SYT14: variants seen among roughly 807,000 people sequenced by gnomAD.
SYT14 encodes the protein synaptotagmin 14.
A neutral mutation model predicts 74.2 loss-of-function variants in SYT14; 32 were observed. The ratio of observed to expected loss-of-function variants is 0.43; its 90% CI spans 0.33 to 0.58. The LOEUF is 0.58. Ranked by LOEUF, SYT14 falls within the 20% of genes least tolerant of loss-of-function variation. The probability of loss-of-function intolerance (pLI) is 0.05; values close to 1 mark genes in which losing one functional copy is unlikely to be tolerated. For missense variants in SYT14, 791 were observed against 981.8 expected (o/e 0.81, Z 2.60); for synonymous variants, 298 against 337.7 (o/e 0.88, Z 1.29).
At chr1:210,149,048 T>G (rs139046846) in intron 7 of SYT14, among the ~76,000 whole-genome samples, 2 of 152,068 alleles carry the variant, frequency 1.3e-5, no homozygotes, top group Non-Finnish European at 2.9e-5. Context: ...AAGAAACTTA[T>G]AAACTTTATA....
intron 2 of SYT14, among the ~76,000 whole-genome samples, chr1:209,965,520 A>T (rs1235891284): frequency 6.6e-6 from 1 of 152,204 alleles, no homozygotes; most frequent in Non-Finnish European, 1.5e-5. Context: ...GGATAAACAT[A>T]TAAGTGCGTG....
chr1:210,133,974 C>T (rs912775722), intron 7 of SYT14, among the ~76,000 whole-genome samples: 7 of 151,576 alleles, frequency 4.6e-5, no homozygotes, highest in Non-Finnish European at 8.8e-5. Flanking sequence ...TAGGCAGAGA[C>T]AGAGGAGCTT....
At chr1:210,001,436 A>G (rs551314994) in intron 2 of SYT14, among the ~76,000 whole-genome samples, 18 of 152,076 alleles carry the variant, frequency 1.2e-4, no homozygotes, top group Non-Finnish European at 2.2e-4. Context: ...ATTTCTCCAT[A>G]TATTTCTGGA....
At chr1:210,160,621 A>G in intron 9 of SYT14, 108 bp from the exon 9 acceptor site, 1 of 942,022 alleles carries the variant, frequency 1.1e-6, no homozygotes, top group South Asian at 1.6e-5. Context: ...AACATGGTAT[A>G]CACCATATCC....
At chr1:209,997,025 C>G (rs227181) in intron 2 of SYT14, among the ~76,000 whole-genome samples, 52,003 of 151,804 alleles carry the variant, frequency 0.34, 9,875 homozygotes, top group Non-Finnish European at 0.42. Context: ...TGGGCAAAAG[C>G]TAGAACCTTT....
intron 7 of SYT14, among the ~76,000 whole-genome samples, chr1:210,106,910 G>A (rs1176882756): frequency 2.0e-5 from 3 of 152,174 alleles, no homozygotes; most frequent in African/African-American, 7.2e-5. Context: ...TGTGAGACAA[G>A]GCAAGTCCCT....
intron 7 of SYT14, among the ~76,000 whole-genome samples, chr1:210,109,291 G>A (rs1022797293): frequency 1.1e-4 from 17 of 151,998 alleles, no homozygotes; most frequent in Admixed American, 9.2e-4. Flanking sequence ...TAAAAAGGCA[G>A]AAAACAGACC....
intron 7 of SYT14, among the ~76,000 whole-genome samples, chr1:210,120,639 C>T (rs1386033919): frequency 5.3e-5 from 8 of 152,084 alleles, no homozygotes; most frequent in Non-Finnish European, 7.4e-5. Context: ...CTATGATGTT[C>T]CCACAATGAC....
intron 7 of SYT14, among the ~76,000 whole-genome samples, chr1:210,150,903 C>G (rs898050145): frequency 6.6e-6 from 1 of 152,048 alleles, no homozygotes; most frequent in Non-Finnish European, 1.5e-5. Flanking sequence ...TGTTTTTTCT[C>G]TATGTATGTA....
At chr1:210,040,649 A>G (rs935329770) in intron 5 of SYT14, among the ~76,000 whole-genome samples, 2 of 152,166 alleles carry the variant, frequency 1.3e-5, no homozygotes, top group Non-Finnish European at 2.9e-5. Flanking sequence ...GTGTGTAACT[A>G]TAGGAGTTTC....
At chr1:210,154,067 T>C (rs866252102) in intron 7 of SYT14, among the ~76,000 whole-genome samples, 1 of 152,230 alleles carries the variant, frequency 6.6e-6, no homozygotes, top group Non-Finnish European at 1.5e-5. Flanking sequence ...CTAGCATTAT[T>C]AATTAGAATT....
chr1:209,994,739 A>G (rs948932940), intron 2 of SYT14, among the ~76,000 whole-genome samples: 4 of 152,198 alleles, frequency 2.6e-5, no homozygotes, highest in African/African-American at 9.6e-5. Flanking sequence ...GCAGCTAGAA[A>G]GAAGGGTCAA....
At chr1:210,169,689 A>C (rs1305168906) in exon 10 of SYT14, 1 of 152,114 alleles carries the variant, frequency 6.6e-6, no homozygotes, top group Non-Finnish European at 1.5e-5. Context: ...CTAGATTTTT[A>C]CTAGAATTTT....
intron 2 of SYT14, among the ~76,000 whole-genome samples, chr1:209,979,435 G>A (rs909566992): frequency 2.6e-5 from 4 of 151,828 alleles, no homozygotes; most frequent in Non-Finnish European, 5.9e-5. Context: ...GCAGACAAAT[G>A]GGTCTTTTTT....
chr1:209,975,805 T>G (rs926407873), intron 2 of SYT14, among the ~76,000 whole-genome samples: 4 of 152,214 alleles, frequency 2.6e-5, no homozygotes, highest in Non-Finnish European at 5.9e-5. Context: ...GTACCTCTGG[T>G]AGAATTCAGC....
rs12025114 is a variant in SYT14, at chr1:209,938,388, G to A, written c.-534+111G>A. ...TGACGGGGCCGCCTCCTGTGGTCTG[G>A]AGCCGGCTGAAGACGCGCGGGGGTC... On this transcript the variant is annotated intron_variant, in intron 1 of 9. Coordinates refer to ENST00000637265, the Ensembl canonical transcript of SYT14. 611,752 of 1,153,960 alleles carry A rather than the reference G, an allele frequency of 0.53. 168,205 individuals are homozygous for A. The highest frequency in any genetic ancestry group is 0.57 in the Non-Finnish European group (472,168 of 828,876). 71.5% of individuals were successfully genotyped at this position (1,153,960 alleles called of 1,614,324 possible).
chr1:210,084,742 A>T (rs1170146104), intron 5 of SYT14, among the ~76,000 whole-genome samples: 1 of 152,256 alleles, frequency 6.6e-6, no homozygotes, highest in East Asian at 1.9e-4. Context: ...AAAGCTACAT[A>T]TCAGATACCA....
chr1:210,047,812 T>G (rs2080914147), intron 5 of SYT14, among the ~76,000 whole-genome samples: 1 of 152,240 alleles, frequency 6.6e-6, no homozygotes, highest in Non-Finnish European at 1.5e-5. Context: ...AGCTCAAGAA[T>G]TGGGAATCCA....
chr1:209,952,922 AT>A, intron 2 of SYT14, 166 bp downstream of exon 2: 1 of 959,010 alleles, frequency 1.0e-6, no homozygotes, highest in South Asian at 1.5e-5. Flanking sequence ...CATATTACTT[AT>A]TATGTGATTA....
Sources: gnomAD v4.1 joint callset for allele counts (sites outside exome capture counted in the v4.1 genomes callset) on GRCh38, gnomAD v4.1.1 for gene constraint, MANE v1.5 for transcripts, NCBI Gene and HGNC (gene_info 2026-07-23, HGNC 2026-07-21) for gene names.